Variants in SNTG1 observed in about 807,000 individuals in gnomAD.
The protein encoded by SNTG1 is syntrophin gamma 1, also known as gamma-1-syntrophin.
Under a neutral mutation model 74.7 loss-of-function variants are expected in SNTG1, and 39 were observed. The ratio of observed to expected loss-of-function variants is 0.52; its 90% CI spans 0.40 to 0.68. The LOEUF is 0.68. SNTG1 is among the 30% of genes least tolerant of loss of function. The probability of loss-of-function intolerance (pLI) is 0.00; values close to 1 mark genes in which losing one functional copy is unlikely to be tolerated. For synonymous variants in SNTG1, 254 were observed against 217.1 expected, an observed-to-expected ratio of 1.17 and a Z score of -1.49; for missense variants, 685 against 609.5, an observed-to-expected ratio of 1.12 and a Z score of -1.30.
intron 17 of SNTG1, among the ~76,000 whole-genome samples, chr8:50,727,400 A>G (rs2095502739): frequency 6.6e-6 from 1 of 152,188 alleles, no homozygotes; most frequent in African/African-American, 2.4e-5. Context: ...AGAGCTTTCA[A>G]CAGATGATAT....
At chr8:50,698,542 C>A (rs560044687) in intron 15 of SNTG1, among the ~76,000 whole-genome samples, 2 of 152,188 alleles carry the variant, frequency 1.3e-5, no homozygotes, top group South Asian at 2.1e-4. Context: ...GGAGCCCATG[C>A]CATACTTGAT....
chr8:50,594,736 G>C (rs541515629), intron 13 of SNTG1, among the ~76,000 whole-genome samples: 1 of 152,256 alleles, frequency 6.6e-6, no homozygotes, highest in Non-Finnish European at 1.5e-5. Flanking sequence ...AATTTTGTCA[G>C]TTTTGCTTCT....
chr8:50,633,262 C>T (rs1384513676), intron 13 of SNTG1, among the ~76,000 whole-genome samples: 3 of 152,298 alleles, frequency 2.0e-5, no homozygotes, highest in East Asian at 1.9e-4. Flanking sequence ...TGGTTCTTCA[C>T]GTGGGGCCAT....
intron 1 of SNTG1, among the ~76,000 whole-genome samples, chr8:50,117,022 T>G (rs749619919): frequency 6.6e-6 from 1 of 152,114 alleles, no homozygotes; most frequent in African/African-American, 2.4e-5. Flanking sequence ...CAGTGGAGAA[T>G]GAGGCATGAA....
intron 2 of SNTG1, among the ~76,000 whole-genome samples, chr8:50,309,430 G>C (rs1391923914): frequency 6.6e-6 from 1 of 151,860 alleles, no homozygotes; most frequent in African/African-American, 2.4e-5. Flanking sequence ...AGATGGTTTT[G>C]ATTCCTTCGG....
intron 1 of SNTG1, among the ~76,000 whole-genome samples, chr8:50,122,166 T>C (rs2131360637): frequency 7.0e-6 from 1 of 142,036 alleles, no homozygotes; most frequent in East Asian, 2.0e-4. Context: ...TTGTGTGGGA[T>C]AGTGTTTCTC....
At chr8:50,744,284 C>A (rs944025244) in intron 17 of SNTG1, among the ~76,000 whole-genome samples, 2 of 151,964 alleles carry the variant, frequency 1.3e-5, no homozygotes, top group African/African-American at 4.8e-5. Flanking sequence ...TGTATCTATA[C>A]ACTAACAATG....
At chr8:50,116,020 T>C (rs1271564339) in intron 1 of SNTG1, among the ~76,000 whole-genome samples, 2 of 152,160 alleles carry the variant, frequency 1.3e-5, no homozygotes. Flanking sequence ...CACAGCACCA[T>C]GAGCGTAACT....
rs114730866 is a variant in SNTG1 at position 50,256,968 on chromosome 8, C to T, written c.-28+84333C>T. Reference sequence around the variant, plus strand: ...TGTTCAGTTCCATGTGATGGAAGAGCTATTCTGAATAAGTATGGCCAAGAA... The same window carrying T: ...TGTTCAGTTCCATGTGATGGAAGAGTTATTCTGAATAAGTATGGCCAAGAA... On this transcript the variant is annotated intron_variant, in intron 2 of 18. Coordinates refer to ENST00000642720, the MANE Select transcript of SNTG1 (RefSeq NM_018967.5). Among the ~76,000 whole-genome samples, 883 of 152,236 alleles carry T rather than the reference C, an allele frequency of 5.8e-3. 13 individuals are homozygous for T. Among genetic ancestry groups the T allele is most frequent in the African/African-American group, 0.02 (844 of 41,544 alleles).
intron 1 of SNTG1, among the ~76,000 whole-genome samples, chr8:50,050,558 C>A (rs1819482793): frequency 6.6e-6 from 1 of 151,954 alleles, no homozygotes; most frequent in African/African-American, 2.4e-5. Context: ...GTAAAAACTT[C>A]CCAAATAAAA....
rs183978342 is a variant in SNTG1 at position 50,762,931 on chromosome 8, C to G, written c.1395+10820C>G. 5 of 278,460 alleles carry G rather than the reference C, an allele frequency of 1.8e-5. No individual in the cohort carries two copies. In the Admixed American group the frequency reaches 2.1e-4, roughly 12 times the overall value. The allele number at this position is 278,460 out of a possible 1,614,324, so 17.2% of individuals were successfully genotyped here. ...AGCATTGGGGATTTTTCTCCAAAAT[C>G]CACTATGAGAATCTGGTCAAGATCC... On this transcript the variant is annotated intron_variant, in intron 18 of 18. Coordinates refer to ENST00000642720, the MANE Select transcript of SNTG1 (RefSeq NM_018967.5).
intron 9 of SNTG1, among the ~76,000 whole-genome samples, chr8:50,504,474 A>G (rs979809160): frequency 6.6e-6 from 1 of 152,154 alleles, no homozygotes; most frequent in Non-Finnish European, 1.5e-5. Flanking sequence ...GACTAGAAAG[A>G]TGTATAATTA....
At chr8:50,049,841 C>A (rs973138195) in intron 1 of SNTG1, among the ~76,000 whole-genome samples, 1 of 151,924 alleles carries the variant, frequency 6.6e-6, no homozygotes, top group Non-Finnish European at 1.5e-5. Flanking sequence ...GGTTAATCAA[C>A]TTTTCAATAA....
At chr8:50,245,107 G>T (rs373902227) in intron 2 of SNTG1, among the ~76,000 whole-genome samples, 1 of 152,026 alleles carries the variant, frequency 6.6e-6, no homozygotes, top group Non-Finnish European at 1.5e-5. Context: ...GCATGTGTAC[G>T]CAGCAATAAA....
At chr8:50,049,264 A>G (rs929547713) in intron 1 of SNTG1, among the ~76,000 whole-genome samples, 1 of 152,150 alleles carries the variant, frequency 6.6e-6, no homozygotes, top group Non-Finnish European at 1.5e-5. Flanking sequence ...TGCATTATCT[A>G]CAAGAAACTT....
At chr8:50,265,038 A>G (rs1224830798) in intron 2 of SNTG1, among the ~76,000 whole-genome samples, 1 of 152,152 alleles carries the variant, frequency 6.6e-6, no homozygotes, top group Non-Finnish European at 1.5e-5. Context: ...GTTACTGGTA[A>G]ATCCTTCCAA....
chr8:50,432,338 CT>C (rs199626412), intron 4 of SNTG1, among the ~76,000 whole-genome samples: 4,424 of 146,170 alleles, frequency 0.03, 80 homozygotes, highest in South Asian at 0.085. Flanking sequence ...TTTTTGTTTC[CT>C]TTTTTTTTTG....
intron 1 of SNTG1, among the ~76,000 whole-genome samples, chr8:49,916,208 C>A (rs200367443): frequency 7.6e-6 from 1 of 131,842 alleles, no homozygotes; most frequent in Admixed American, 7.7e-5. Context: ...CACACACACA[C>A]AAAAACCCAG....
intron 1 of SNTG1, among the ~76,000 whole-genome samples, chr8:49,974,286 T>C (rs771664398): frequency 4.1e-4 from 62 of 152,178 alleles, no homozygotes; most frequent in Non-Finnish European, 4.7e-4. Context: ...TAATATTCCA[T>C]TGATGAGCGC....
Sources: gnomAD v4.1 joint callset for allele counts (sites outside exome capture counted in the v4.1 genomes callset) on GRCh38, gnomAD v4.1.1 for gene constraint, MANE v1.5 for transcripts, NCBI Gene and HGNC (gene_info 2026-07-23, HGNC 2026-07-21) for gene names.